Variants in RNF130 observed in about 807,000 individuals in gnomAD.
RNF130 encodes E3 ubiquitin-protein ligase RNF130.
A neutral mutation model predicts 44.6 loss-of-function variants in RNF130; 21 were observed. The observed-to-expected ratio is 0.47, with a 90% CI of 0.33 to 0.68. RNF130 has a LOEUF of 0.68. Ranked by LOEUF, RNF130 falls within the 30% of genes least tolerant of loss-of-function variation. RNF130 has a pLI of 0.02. For missense variants in RNF130, 479 were observed against 560.6 expected, an observed-to-expected ratio of 0.85 and a Z score of 1.47; for synonymous variants, 214 against 210.4, an observed-to-expected ratio of 1.02 and a Z score of -0.15.
At chr5:179,917,666 A>G (rs1761572432) in exon 8 of RNF130, 1 of 152,180 alleles carries the variant, frequency 6.6e-6, no homozygotes, top group Non-Finnish European at 1.5e-5. Context: ...TTCCCCCAGC[A>G]TAGCAGCTAG....
intron 1 of RNF130, among the ~76,000 whole-genome samples, chr5:180,045,687 G>A (rs1764548311): frequency 6.6e-6 from 1 of 152,196 alleles, no homozygotes; most frequent in South Asian, 2.1e-4. Context: ...ACAGAGTGCT[G>A]ATTGGTGCAT....
At chr5:179,980,393 T>C (rs1706599346) in intron 3 of RNF130, 193 bp from the exon 4 acceptor site, 2 of 554,140 alleles carry the variant, frequency 3.6e-6, no homozygotes, top group Non-Finnish European at 6.4e-6. Flanking sequence ...AAGTAAAAAG[T>C]GTTAGAACAC....
chr5:179,923,283 T>C (rs948754612), intron 7 of RNF130, among the ~76,000 whole-genome samples: 1 of 152,148 alleles, frequency 6.6e-6, no homozygotes, highest in Non-Finnish European at 1.5e-5. Context: ...CCGTCGTCGA[T>C]TGTTTAAAAG....
intron 2 of RNF130, among the ~76,000 whole-genome samples, chr5:180,017,591 G>A (rs1297968059): frequency 6.6e-6 from 1 of 151,898 alleles, no homozygotes; most frequent in Non-Finnish European, 1.5e-5. Context: ...ATAATCAAAG[G>A]CATTAACAAC....
At chr5:180,022,383 G>T (rs1177662704) in intron 2 of RNF130, among the ~76,000 whole-genome samples, 2 of 152,174 alleles carry the variant, frequency 1.3e-5, no homozygotes, top group African/African-American at 2.4e-5. Flanking sequence ...TATTCATTTT[G>T]ATGCTGAAAT....
At chr5:179,935,713 C>A (rs1761881062) in intron 7 of RNF130, among the ~76,000 whole-genome samples, 1 of 151,860 alleles carries the variant, frequency 6.6e-6, no homozygotes, top group African/African-American at 2.4e-5. Flanking sequence ...AGTTTTCTCT[C>A]TATTAGTGTA....
intron 3 of RNF130, among the ~76,000 whole-genome samples, chr5:179,997,910 C>T (rs746099176): frequency 1.3e-5 from 2 of 150,890 alleles, no homozygotes; most frequent in East Asian, 2.0e-4. Context: ...GGTGTGATCT[C>T]GGCTCACTGC....
At chr5:179,937,610 T>TA (rs1309285495) in intron 7 of RNF130, among the ~76,000 whole-genome samples, 1 of 152,170 alleles carries the variant, frequency 6.6e-6, no homozygotes, top group Non-Finnish European at 1.5e-5. Flanking sequence ...GGCAGGAATG[T>TA]AAAATGGTTT....
chr5:179,958,887 G>A (rs1582141247), intron 8 of RNF130, among the ~76,000 whole-genome samples: 1 of 152,178 alleles, frequency 6.6e-6, no homozygotes, highest in East Asian at 1.9e-4. Flanking sequence ...CACCGTGTTG[G>A]CTAGGCTTGT....
At chr5:180,002,689 T>C (rs899147532) in intron 3 of RNF130, among the ~76,000 whole-genome samples, 1 of 152,158 alleles carries the variant, frequency 6.6e-6, no homozygotes, top group Non-Finnish European at 1.5e-5. Context: ...TCCCAGCTGA[T>C]CCTGGTTAGA....
chr5:180,007,801 T>C (rs1763496499), intron 3 of RNF130, among the ~76,000 whole-genome samples: 1 of 152,064 alleles, frequency 6.6e-6, no homozygotes, highest in Non-Finnish European at 1.5e-5. Flanking sequence ...GGGTGCTAAT[T>C]AAAGCACTAT....
chr5:180,063,836 CAA>C (rs1167536640), intron 1 of RNF130, among the ~76,000 whole-genome samples: 6 of 151,926 alleles, frequency 3.9e-5, no homozygotes, highest in South Asian at 2.1e-4. Flanking sequence ...TTTGTGTTTA[CAA>C]AAGACTTCTG....
chr5:179,927,004 C>CTGTG (rs1225167670), intron 7 of RNF130, among the ~76,000 whole-genome samples: 1 of 152,196 alleles, frequency 6.6e-6, no homozygotes, highest in East Asian at 1.9e-4. Context: ...CGGAAGTCTT[C>CTGTG]TGTGTTGACT....
chr5:180,012,969 A>G, intron 3 of RNF130, 92 bp downstream of exon 3: 1 of 1,428,594 alleles, frequency 7.0e-7, no homozygotes, highest in Admixed American at 2.3e-5. Context: ...CATTTTTTAA[A>G]AGAAAAAACA....
intron 7 of RNF130, among the ~76,000 whole-genome samples, chr5:179,948,961 ATTTTT>A (rs554440602): frequency 1.6e-5 from 2 of 128,590 alleles, no homozygotes; most frequent in African/African-American, 6.1e-5. Context: ...CCTTGGAATA[ATTTTT>A]TTTTTTTTTT....
chr5:179,965,685 G>A (rs911909328), intron 7 of RNF130, among the ~76,000 whole-genome samples: 1 of 152,092 alleles, frequency 6.6e-6, no homozygotes, highest in Non-Finnish European at 1.5e-5. Flanking sequence ...GCTATTAAAC[G>A]AATCGAGAGA....
exon 8 of RNF130, chr5:179,918,187 C>A (rs537350668): frequency 1.3e-4 from 20 of 152,296 alleles, no homozygotes; most frequent in African/African-American, 4.3e-4. Flanking sequence ...CAGCACTGTT[C>A]TGAGTACGCT....
At chr5:179,960,271 C>G (rs554694340) in intron 8 of RNF130, among the ~76,000 whole-genome samples, 15 of 152,320 alleles carry the variant, frequency 9.8e-5, no homozygotes, top group African/African-American at 3.6e-4. Context: ...CATTTATTCA[C>G]TTCTTTGACT....
At chr5:180,042,717 C>G (rs1764455011) in intron 1 of RNF130, among the ~76,000 whole-genome samples, 1 of 152,202 alleles carries the variant, frequency 6.6e-6, no homozygotes. Context: ...TGCACAAACC[C>G]TGGAAGAAAA....
Sources: gnomAD v4.1 joint callset for allele counts (sites outside exome capture counted in the v4.1 genomes callset) on GRCh38, gnomAD v4.1.1 for gene constraint, MANE v1.5 for transcripts, NCBI Gene and HGNC (gene_info 2026-07-23, HGNC 2026-07-21) for gene names.